Variants in SNX13 observed in about 807,000 individuals in gnomAD.
The protein encoded by SNX13 is sorting nexin-13.
Under a neutral mutation model 133.6 loss-of-function variants are expected in SNX13, and 45 were observed. The observed-to-expected ratio is 0.34, with a 90% CI of 0.27 to 0.43. The LOEUF (loss-of-function observed/expected upper bound fraction) is 0.43, where lower values mean the gene tolerates loss of function less well. SNX13 is among the 20% of genes least tolerant of loss of function. SNX13 has a pLI of 1.00. For missense variants in SNX13, 1,032 were observed against 1,145.1 expected (o/e 0.90, Z 1.43); for synonymous variants, 414 against 373.9 (o/e 1.11, Z -1.24).
intron 23 of SNX13, 60 bp from the exon 24 acceptor site, chr7:17,798,818 C>T (rs1784327776): frequency 6.7e-6 from 9 of 1,341,308 alleles, no homozygotes; most frequent in East Asian, 2.5e-5. Context: ...AAAAAATAAA[C>T]GTGACTTTCA....
In SNX13 at chr7:17,875,470, A is replaced by G. The variant is rs779242176; in HGVS notation, c.664+10T>C. On this transcript the variant is annotated intron_variant, in intron 7 of 25. Transcript: ENST00000428135. Reference sequence around the variant, plus strand: ...CTACTATTGTCAAAAAAGTTAAATTAAAAGAAAACCTTCTTCATCTTTGGG... The same window carrying G: ...CTACTATTGTCAAAAAAGTTAAATTGAAAGAAAACCTTCTTCATCTTTGGG... 16 of 1,601,274 alleles carry G rather than the reference A, an allele frequency of 1.0e-5. No homozygotes were observed. The Admixed American group carries it at 1.8e-4, about 18-fold the overall frequency.
intron 1 of SNX13, among the ~76,000 whole-genome samples, chr7:17,937,374 T>C (rs181990840): frequency 2.1e-4 from 32 of 151,984 alleles, no homozygotes; most frequent in South Asian, 4.1e-4. Context: ...TTTGGCCCGG[T>C]GCAGTGGCTC....
Position 17,868,454 on chromosome 7 carries a change from T to C in SNX13, c.790A>G (p.Asn264Asp). The change falls in exon 9 of 26, where the codon AAT becomes GAT. Residue 264 changes from asparagine (N) to aspartate (D), a missense_variant. Asn to Asp is a conservative substitution (Grantham distance 23). Transcript: ENST00000428135. ...ATATAATCAGGATCACTGAGTTGATTTATTAATGGAAGAAGAATTCCTCGT... is the reference window on the plus strand; with the variant it reads ...ATATAATCAGGATCACTGAGTTGATCTATTAATGGAAGAAGAATTCCTCGT... ...LARGILLPLINQLSDPDYINQ... is the reference protein window; with the variant it reads ...LARGILLPLIDQLSDPDYINQ... The C allele has an allele frequency of 6.2e-7, 1 of 1,610,208 alleles. No individual in the cohort carries two copies. Among genetic ancestry groups the C allele is most frequent in the Non-Finnish European group, 8.5e-7 (1 of 1,178,232 alleles).
At chr7:17,899,630 C>A (rs1455012268) in intron 1 of SNX13, 1 of 151,816 alleles carries the variant, frequency 6.6e-6, no homozygotes, top group East Asian at 1.9e-4. Context: ...TTTTTCAACT[C>A]CAAGATTTGT....
At position 17,816,559 on chromosome 7, in the gene SNX13, G is replaced by C. The variant is rs371152868; in HGVS notation, c.1846-270C>G. Among the ~76,000 whole-genome samples, 20 of 152,252 alleles carry C rather than the reference G, an allele frequency of 1.3e-4. No homozygotes were observed. The East Asian group carries it at 3.7e-3, about 28-fold the overall frequency. Reference sequence around the variant, plus strand: ...GCCTGTAATCCCAGCTACTTGGGAGGATGAGGGAGGAGAGAATAGCTTGAA... The same window carrying C: ...GCCTGTAATCCCAGCTACTTGGGAGCATGAGGGAGGAGAGAATAGCTTGAA... On this transcript the variant is annotated intron_variant, in intron 18 of 25. Coordinates refer to ENST00000428135, the MANE Select transcript of SNX13 (RefSeq NM_015132.5).
At position 17,897,445 on chromosome 7, in the gene SNX13, G is replaced by T. The variant is rs575475402; in HGVS notation, c.14C>A (p.Ala5Asp). 1 of 1,539,152 alleles carries T rather than the reference G, an allele frequency of 6.5e-7. No homozygotes were observed. The highest frequency in any genetic ancestry group is 1.3e-5 in the South Asian group (1 of 78,402). MLTE[A>D]SLSIWGWGSL... ...TCCCCATCCCCATATGGATAGACTGGCCTGAAATACAGAAAAAATATAAGT... is the reference window on the plus strand; with the variant it reads ...TCCCCATCCCCATATGGATAGACTGTCCTGAAATACAGAAAAAATATAAGT... Residue 5 changes from alanine to aspartate, a missense_variant and splice_region_variant, in exon 2 of 26, where the codon GCC (alanine) becomes GAC (aspartate). Transcript: ENST00000428135.
At chr7:17,820,226 T>C (rs1787136556) in intron 18 of SNX13, among the ~76,000 whole-genome samples, 1 of 152,172 alleles carries the variant, frequency 6.6e-6, no homozygotes, top group African/African-American at 2.4e-5. Flanking sequence ...AAACTCTCAT[T>C]AATTTGCAAG....
chr7:17,874,985 A>G (rs1384028059), intron 7 of SNX13, among the ~76,000 whole-genome samples: 2 of 152,286 alleles, frequency 1.3e-5, no homozygotes, highest in South Asian at 2.1e-4. Context: ...TGCGTTTGCT[A>G]TATTTTAAAA....
At chr7:17,812,530 C>A (rs1786171095) in intron 20 of SNX13, among the ~76,000 whole-genome samples, 1 of 152,170 alleles carries the variant, frequency 6.6e-6, no homozygotes, top group Admixed American at 6.5e-5. Flanking sequence ...TACAGGAATG[C>A]TTTTACACTG....
intron 22 of SNX13, among the ~76,000 whole-genome samples, chr7:17,800,460 T>C (rs1232540601): frequency 6.6e-6 from 1 of 151,676 alleles, no homozygotes; most frequent in Non-Finnish European, 1.5e-5. Context: ...GGTGCTTGGA[T>C]CAACTGGACC....
At chr7:17,800,010 C>A (rs1447705542) in intron 22 of SNX13, among the ~76,000 whole-genome samples, 2 of 151,668 alleles carry the variant, frequency 1.3e-5, no homozygotes, top group Admixed American at 6.6e-5. Context: ...CCTTAGTGCA[C>A]CTTCCATTTC....
At chr7:17,917,454 C>T (rs1051574693) in intron 1 of SNX13, among the ~76,000 whole-genome samples, 4 of 152,118 alleles carry the variant, frequency 2.6e-5, no homozygotes, top group Non-Finnish European at 5.9e-5. Context: ...TATACAACTT[C>T]AGTAAAGTTT....
chr7:17,839,086 C>T (rs1301309584), intron 13 of SNX13, among the ~76,000 whole-genome samples: 1 of 149,306 alleles, frequency 6.7e-6, no homozygotes, highest in African/African-American at 2.4e-5. Context: ...GCTATAAGTT[C>T]TAAAGCAATT....
At chr7:17,868,270 AAC>A (rs1793647214) in intron 9 of SNX13, 135 bp downstream of exon 9, 2 of 669,114 alleles carry the variant, frequency 3.0e-6, no homozygotes, top group Admixed American at 3.4e-5. Context: ...AAATATTGGA[AAC>A]ACAGAGATTA....
chr7:17,931,823 A>G (rs143669206), intron 1 of SNX13, among the ~76,000 whole-genome samples: 42 of 152,350 alleles, frequency 2.8e-4, no homozygotes, highest in African/African-American at 9.6e-4. Context: ...GAACAGTGGA[A>G]CAGAGCAGAA....
intron 9 of SNX13, among the ~76,000 whole-genome samples, chr7:17,853,394 T>C (rs776047775): frequency 2.0e-5 from 3 of 152,132 alleles, no homozygotes; most frequent in Non-Finnish European, 4.4e-5. Flanking sequence ...TTATCTATTT[T>C]AAACAAAAAG....
At chr7:17,906,958 G>C (rs1243859315) in intron 1 of SNX13, among the ~76,000 whole-genome samples, 1 of 152,104 alleles carries the variant, frequency 6.6e-6, no homozygotes, top group East Asian at 1.9e-4. Flanking sequence ...GGTGTATCAG[G>C]TGTTCAGATT....
intron 20 of SNX13, among the ~76,000 whole-genome samples, chr7:17,813,474 G>A (rs932793869): frequency 2.6e-5 from 4 of 152,110 alleles, no homozygotes; most frequent in Non-Finnish European, 5.9e-5. Flanking sequence ...AATGTTATTA[G>A]GTTGGTGAAA....
intron 20 of SNX13, among the ~76,000 whole-genome samples, chr7:17,804,930 T>C (rs1003245544): frequency 9.2e-5 from 14 of 152,144 alleles, no homozygotes; most frequent in African/African-American, 3.4e-4. Flanking sequence ...CAAGAAAAAC[T>C]AGAAGAGGTA....
Sources: allele counts gnomAD v4.1 joint callset (sites outside exome capture counted in the v4.1 genomes callset), GRCh38; gene constraint gnomAD v4.1.1; transcripts MANE v1.5; gene names NCBI Gene and HGNC (gene_info 2026-07-23, HGNC 2026-07-21).